FBH1: variants seen among roughly 807,000 people sequenced by gnomAD.
FBH1 encodes F-box DNA helicase 1, also known as DNA 3'-5' helicase 1.
FBH1 carries 43 observed loss-of-function variants against 115.5 expected under a neutral mutation model. The ratio of observed to expected loss-of-function variants is 0.37; its 90% CI spans 0.29 to 0.48. The LOEUF is 0.48. Among genes scored for constraint, FBH1 ranks in the 20% least tolerant of loss-of-function variants. The probability of loss-of-function intolerance (pLI) is 0.99; values close to 1 mark genes in which losing one functional copy is unlikely to be tolerated. For missense variants in FBH1, 1,001 were observed against 1,337.3 expected, an observed-to-expected ratio of 0.75 and a Z score of 3.92; for synonymous variants, 524 against 507.8, an observed-to-expected ratio of 1.03 and a Z score of -0.43.
rs181840383 is a variant in FBH1, at chr10:5,909,826, A to G, written c.1020+532A>G. ...CCTCTGCGTGTGTTTTACTGGCCAC[A>G]GAGGGCTGGGAACCCAGGCAACTGC... is the stretch of plus-strand genomic sequence containing the variant. On this transcript the variant is annotated intron_variant, in intron 5 of 20. Coordinates refer to ENST00000362091, the MANE Select transcript of FBH1 (RefSeq NM_178150.3). This position sits in a 1 kb window ranked among gnomAD's most constrained non-coding sequence, Gnocchi z 4.4. Among the ~76,000 whole-genome samples, 46 of 152,356 alleles carry G rather than the reference A, an allele frequency of 3.0e-4. 1 individual carries two copies. The highest frequency in any genetic ancestry group is 2.7e-3 in the Admixed American group (41 of 15,306).
chr10:5,931,897 A>G lies in FBH1; in HGVS notation c.2829+4356A>G, dbSNP rs1347550314. Reference sequence around the variant, plus strand: ...AGTGGCTCACCCCTGTAATCCCAGCACTTTGCGGGGCTGAGGCAGACAGGT... The same window carrying G: ...AGTGGCTCACCCCTGTAATCCCAGCGCTTTGCGGGGCTGAGGCAGACAGGT... On this transcript the variant is annotated intron_variant, in intron 19 of 20. Coordinates refer to ENST00000362091, the MANE Select transcript of FBH1 (RefSeq NM_178150.3). The surrounding 1 kb of genome is among the most constrained non-coding windows in gnomAD (Gnocchi z 4.3). Among the ~76,000 whole-genome samples, 1 of 152,218 alleles carries G rather than the reference A, an allele frequency of 6.6e-6. No individual in the cohort carries two copies. The highest frequency in any genetic ancestry group is 1.9e-4 in the East Asian group (1 of 5,204).
intron 2 of FBH1, among the ~76,000 whole-genome samples, chr10:5,904,675 A>G (rs1396611243): frequency 6.6e-6 from 1 of 152,186 alleles, no homozygotes; most frequent in Non-Finnish European, 1.5e-5. Context: ...AGCCTGGGCA[A>G]CATAATGAGA....
chr10:5,903,813 T>C (rs1392642434), intron 2 of FBH1, among the ~76,000 whole-genome samples: 1 of 152,198 alleles, frequency 6.6e-6, no homozygotes, highest in East Asian at 1.9e-4. Context: ...CTGTCCAATC[T>C]GTCACTAGGT....
intron 1 of FBH1, 23 bp from the exon 2 acceptor site, chr10:5,902,997 T>C (rs1843449425): frequency 6.3e-7 from 1 of 1,588,090 alleles, no homozygotes; most frequent in African/African-American, 1.3e-5. Flanking sequence ...ATCCCCTTTC[T>C]TCTACCTGCT....
rs762594365 is a variant in FBH1, at chr10:5,909,111, G to A, written c.885-48G>A. The A allele has an allele frequency of 1.9e-6, 3 of 1,613,486 alleles. No homozygotes were observed. The highest frequency in any genetic ancestry group is 2.2e-5 in the South Asian group (2 of 91,086). Reference sequence around the variant, plus strand: ...TCTTTGAAGTCTTCCTTGTACATCAGTGCTTATGGTCACCCTACTCATGGC... The same window carrying A: ...TCTTTGAAGTCTTCCTTGTACATCAATGCTTATGGTCACCCTACTCATGGC... On this transcript the variant is annotated intron_variant, in intron 4 of 20. Coordinates refer to ENST00000362091, the MANE Select transcript of FBH1 (RefSeq NM_178150.3). This position sits in a 1 kb window ranked among gnomAD's most constrained non-coding sequence, Gnocchi z 4.4.
At chr10:5,893,903 A>G (rs1842869743) in intron 1 of FBH1, 1 of 811,434 alleles carries the variant, frequency 1.2e-6, no homozygotes, top group South Asian at 5.6e-5. Context: ...AGCCTTTCAA[A>G]TATATAAAAT....
rs1007328092 is a variant in FBH1, at chr10:5,921,512, T to G, written c.2265T>G (p.Phe755Leu). ...ALLSRTNANV[F>L]DEAVRVTEGE... ...TGTCCCGGACCAACGCCAACGTGTT[T>G]GATGAGGCCGTACGGGTGACGGAAG... The change falls in exon 15 of 21, where the codon TTT becomes TTG. Residue 755 changes from phenylalanine to leucine, a missense_variant. This residue lies in a region of FBH1 where 521 missense variants were observed against 811.0 expected (regional missense o/e 0.64). Coordinates refer to ENST00000362091, the MANE Select transcript of FBH1 (RefSeq NM_178150.3). This position sits in a 1 kb window ranked among gnomAD's most constrained non-coding sequence, Gnocchi z 6.4. 2 of 1,600,276 alleles carry G rather than the reference T, an allele frequency of 1.2e-6. No individual in the cohort carries two copies. Among genetic ancestry groups the G allele is most frequent in the African/African-American group, 2.7e-5 (2 of 73,714 alleles).
At chr10:5,937,060 C>T (rs1224936246) in intron 20 of FBH1, 50 bp from the exon 21 acceptor site, 2 of 1,516,476 alleles carry the variant, frequency 1.3e-6, no homozygotes, top group African/African-American at 2.8e-5. Context: ...CTGGAAAATC[C>T]ATGTTCTTTG....
rs1589128280 is a variant in FBH1, at chr10:5,936,651, T to C, written c.2961+64T>C. The C allele has an allele frequency of 6.3e-7, 1 of 1,592,486 alleles. No homozygotes were observed. The highest frequency in any genetic ancestry group is 2.3e-5 in the East Asian group (1 of 44,422). On this transcript the variant is annotated intron_variant, in intron 20 of 20. Transcript: ENST00000362091. The surrounding 1 kb of genome is among the most constrained non-coding windows in gnomAD (Gnocchi z 5.6). The stretch of plus-strand genomic sequence containing the variant: ...CATTTTTTGCTTGTGAGCTCTGTGC[T>C]TATCTGGGTTGTAGGTGAGGAGATA...
In FBH1 at chr10:5,906,317, A is replaced by T; in HGVS notation, c.438A>T (p.Lys146Asn). Residue 146 changes from lysine (K) to asparagine (N), a missense_variant, in exon 3 of 21, where the codon AAA becomes AAT. Coordinates refer to ENST00000362091, the MANE Select transcript of FBH1 (RefSeq NM_178150.3). This position sits in a 1 kb window ranked among gnomAD's most constrained non-coding sequence, Gnocchi z 7.3. Reference sequence around the variant, plus strand: ...GCCGGTGGGATGGAGTTTCTAAGAAAGCTCCACGGCACCATTTGTCTGTGC... The same window carrying T: ...GCCGGTGGGATGGAGTTTCTAAGAATGCTCCACGGCACCATTTGTCTGTGC... ...GTSRWDGVSK[K>N]APRHHLSVPC... 1 of 1,614,188 alleles carries T rather than the reference A, an allele frequency of 6.2e-7. No homozygotes were observed. Among genetic ancestry groups the T allele is most frequent in the Middle Eastern group, 1.6e-4 (1 of 6,062 alleles).
chr10:5,923,244 T>G lies in FBH1; in HGVS notation c.2323-377T>G, dbSNP rs1403343842. ...GCATACCCAGCACTTTGTATTCAGG[T>G]GCCATTTGTGTTCTTTGGAATCGTC... is the stretch of plus-strand genomic sequence containing the variant. On this transcript the variant is annotated intron_variant, in intron 15 of 20. Coordinates refer to ENST00000362091, the MANE Select transcript of FBH1 (RefSeq NM_178150.3). The surrounding 1 kb of genome is among the most constrained non-coding windows in gnomAD (Gnocchi z 5.7). 1.3e-5 allele frequency among the ~76,000 whole-genome samples: 2 copies of G among 152,216 alleles called. No individual in the cohort carries two copies. Among genetic ancestry groups the G allele is most frequent in the African/African-American group, 2.4e-5 (1 of 41,456 alleles).
chr10:5,921,590 A>G lies in FBH1; in HGVS notation c.2322+21A>G, dbSNP rs7067605. ...TTGGGGTAAGAGTACATTTCTGTTG[A>G]CCACTTCATGCACAGAAACGTTGTA... On this transcript the variant is annotated intron_variant, in intron 15 of 20. Transcript: ENST00000362091. This position sits in a 1 kb window ranked among gnomAD's most constrained non-coding sequence, Gnocchi z 6.4. 14 of 1,588,278 alleles carry G rather than the reference A, an allele frequency of 8.8e-6. No homozygotes were observed. In the South Asian group the frequency reaches 1.6e-4, roughly 19 times the overall value.
In FBH1 at chr10:5,936,533, C is replaced by T. The variant is rs1213732617; in HGVS notation, c.2907C>T (p.Asn969=). The T allele has an allele frequency of 6.2e-7, 1 of 1,614,210 alleles. No homozygotes were observed. The highest frequency in any genetic ancestry group is 8.5e-7 in the Non-Finnish European group (1 of 1,180,020). ...TGCGCTGCTGCGTGGGACAGTGCAA[C>T]AATGCCATCCCTGTTGACACCGTCC... ...GVVRCCVGQC[N]NAIPVDTVLT... The change falls in exon 20 of 21, where the codon AAC becomes AAT. Residue 969 remains asparagine (N), a synonymous_variant. Coordinates refer to ENST00000362091, the MANE Select transcript of FBH1 (RefSeq NM_178150.3). This position sits in a 1 kb window ranked among gnomAD's most constrained non-coding sequence, Gnocchi z 5.6.
At position 5,918,589 on chromosome 10, in the gene FBH1, T is replaced by C. The variant is rs1318720165; in HGVS notation, c.2100+111T>C. The C allele has an allele frequency of 3.7e-6, 5 of 1,335,234 alleles. No individual in the cohort carries two copies. Among genetic ancestry groups the C allele is most frequent in the African/African-American group, 1.5e-5 (1 of 66,212 alleles). The allele number at this position is 1,335,234 out of a possible 1,614,324, so 82.7% of individuals were successfully genotyped here. ...TCACCAGATCTAGCAAATCCTTGCT[T>C]CTAAGCCATGGTTCTCAAAGTGTGG... On this transcript the variant is annotated intron_variant, in intron 13 of 20. Coordinates refer to ENST00000362091, the MANE Select transcript of FBH1 (RefSeq NM_178150.3). The surrounding 1 kb of genome is among the most constrained non-coding windows in gnomAD (Gnocchi z 4.0).
chr10:5,907,228 G>A (rs1455076000), intron 3 of FBH1, among the ~76,000 whole-genome samples: 2 of 152,086 alleles, frequency 1.3e-5, no homozygotes, highest in African/African-American at 2.4e-5. Context: ...AGCCTCCCAA[G>A]TGCTGGGGTT....
intron 2 of FBH1, among the ~76,000 whole-genome samples, chr10:5,904,834 A>G (rs965040211): frequency 6.6e-6 from 1 of 152,146 alleles, no homozygotes; most frequent in African/African-American, 2.4e-5. Context: ...TAACCGTTAT[A>G]ATTTTTTTTT....
intron 19 of FBH1, among the ~76,000 whole-genome samples, chr10:5,927,778 A>C (rs538409159): frequency 5.3e-5 from 8 of 152,160 alleles, no homozygotes; most frequent in Non-Finnish European, 7.4e-5. Context: ...TCTGTTTAAG[A>C]TACCAGCAGT....
At chr10:5,890,190 G>T, upstream of FBH1, 1 of 338,984 alleles carries the variant, frequency 2.9e-6, no homozygotes. Context: ...GCTTCCCGGG[G>T]CTGCGGCGGG....
At chr10:5,894,463 C>A in intron 1 of FBH1, 1 of 1,421,676 alleles carries the variant, frequency 7.0e-7, no homozygotes, top group Non-Finnish European at 1.0e-6. Flanking sequence ...TCAGGAGACC[C>A]GGGTTCTTGT....
Sources: allele counts gnomAD v4.1 joint callset (sites outside exome capture counted in the v4.1 genomes callset), GRCh38; gene constraint gnomAD v4.1.1; regional missense constraint gnomAD v4.1.1; non-coding constraint Gnocchi (gnomAD v3.1); transcripts MANE v1.5; gene names NCBI Gene and HGNC (gene_info 2026-07-23, HGNC 2026-07-21).